Variants in DOCK3 observed in about 807,000 individuals in gnomAD.
The protein encoded by DOCK3 is dedicator of cytokinesis protein 3.
In DOCK3, 60 loss-of-function variants were observed where a neutral mutation model predicts 265.6. That is an observed-to-expected ratio of 0.23 (90% CI 0.18 to 0.28). The LOEUF (loss-of-function observed/expected upper bound fraction) is 0.28. Among genes scored for constraint, DOCK3 ranks in the 10% least tolerant of loss-of-function variants. DOCK3 has a pLI of 1.00. For missense variants in DOCK3, 1,981 were observed against 2,594.3 expected, an observed-to-expected ratio of 0.76 and a Z score of 5.14; for synonymous variants, 881 against 938.0, an observed-to-expected ratio of 0.94 and a Z score of 1.11.
intron 9 of DOCK3, among the ~76,000 whole-genome samples, chr3:51,119,668 T>A (rs1049484460): frequency 6.6e-6 from 1 of 152,092 alleles, no homozygotes; most frequent in Non-Finnish European, 1.5e-5. Flanking sequence ...TCATTTTCAT[T>A]ATTTTTTCTC....
At chr3:51,214,064 C>T in intron 13 of DOCK3, 58 bp from the exon 14 acceptor site, 3 of 1,606,628 alleles carry the variant, frequency 1.9e-6, no homozygotes, top group Non-Finnish European at 2.5e-6. Flanking sequence ...TGTGTCTTTT[C>T]AAGTACTATA....
chr3:51,007,148 A>G (rs1208247438), intron 5 of DOCK3, among the ~76,000 whole-genome samples: 1 of 152,194 alleles, frequency 6.6e-6, no homozygotes, highest in East Asian at 1.9e-4. Context: ...CAGTAATGGG[A>G]TGGCTGGGTC....
At chr3:51,334,644 GGA>G (rs1205569003) in intron 35 of DOCK3, among the ~76,000 whole-genome samples, 1 of 152,202 alleles carries the variant, frequency 6.6e-6, no homozygotes, top group African/African-American at 2.4e-5. Context: ...TTTTACAGCA[GGA>G]GACTTCTTTG....
intron 13 of DOCK3, among the ~76,000 whole-genome samples, chr3:51,211,722 G>C (rs2089512022): frequency 6.6e-6 from 1 of 152,066 alleles, no homozygotes; most frequent in South Asian, 2.1e-4. Flanking sequence ...AGTATTCCAT[G>C]GTATATATGT....
intron 9 of DOCK3, among the ~76,000 whole-genome samples, chr3:51,105,140 A>G (rs1321395968): frequency 6.6e-6 from 1 of 152,212 alleles, no homozygotes; most frequent in Admixed American, 6.5e-5. Context: ...TGATGTTGTT[A>G]TAGTATGAAT....
chr3:51,220,895 A>T (rs2090066910), intron 14 of DOCK3, among the ~76,000 whole-genome samples: 1 of 151,890 alleles, frequency 6.6e-6, no homozygotes, highest in Admixed American at 6.6e-5. Flanking sequence ...GCTAGCACTA[A>T]TGAAACATTT....
In DOCK3 at chr3:51,145,319, G is replaced by A. The variant is rs371566808; in HGVS notation, c.747-1230G>A. Among the ~76,000 whole-genome samples, 4 of 152,112 alleles carry A rather than the reference G, an allele frequency of 2.6e-5. No individual in the cohort carries two copies. The East Asian group carries it at 7.7e-4, about 29-fold the overall frequency. On this transcript the variant is annotated intron_variant, in intron 9 of 52. Coordinates refer to ENST00000266037, the MANE Select transcript of DOCK3 (RefSeq NM_004947.5). Reference sequence around the variant, plus strand: ...ATGTATACATGTGCCATGTTGGTGTGCTGCACCCATTAACTCGTTATTTAG... The same window carrying A: ...ATGTATACATGTGCCATGTTGGTGTACTGCACCCATTAACTCGTTATTTAG...
chr3:51,351,743 A>G (rs1039582067), intron 40 of DOCK3, among the ~76,000 whole-genome samples: 8 of 136,778 alleles, frequency 5.8e-5, no homozygotes, highest in African/African-American at 2.2e-4. Flanking sequence ...CGCAACCTCC[A>G]CCTCCCAGGT....
chr3:51,136,713 A>T (rs1024967954), intron 9 of DOCK3, among the ~76,000 whole-genome samples: 2 of 152,164 alleles, frequency 1.3e-5, no homozygotes, highest in African/African-American at 4.8e-5. Flanking sequence ...TTGAAAAAAT[A>T]AAAGGGAAAG....
intron 4 of DOCK3, among the ~76,000 whole-genome samples, chr3:50,891,224 AAC>A (rs1335709331): frequency 3.3e-5 from 5 of 152,200 alleles, no homozygotes; most frequent in South Asian, 2.1e-4. Context: ...GAGACTGCAA[AAC>A]ACAGCTTGTG....
chr3:51,357,636 T>A, intron 44 of DOCK3, 122 bp from the exon 45 acceptor site: 1 of 864,382 alleles, frequency 1.2e-6, no homozygotes, highest in Non-Finnish European at 1.9e-6. Context: ...GACTGGTGTA[T>A]GTACCTATGA....
chr3:50,851,075 G>A (rs555253560), intron 3 of DOCK3, among the ~76,000 whole-genome samples: 1 of 152,306 alleles, frequency 6.6e-6, no homozygotes, highest in South Asian at 2.1e-4. Flanking sequence ...GAATACAGTG[G>A]GTGGCCACCA....
At chr3:51,267,315 G>A (rs1240084767) in intron 23 of DOCK3, among the ~76,000 whole-genome samples, 1 of 151,978 alleles carries the variant, frequency 6.6e-6, no homozygotes, top group East Asian at 1.9e-4. Flanking sequence ...TCCCATTTCT[G>A]GCTATAAACC....
At chr3:50,679,161 A>C (rs543413955) in intron 1 of DOCK3, among the ~76,000 whole-genome samples, 7 of 152,102 alleles carry the variant, frequency 4.6e-5, no homozygotes, top group African/African-American at 1.7e-4. Flanking sequence ...TTTTTTAGTG[A>C]CATGGTCTTG....
intron 9 of DOCK3, among the ~76,000 whole-genome samples, chr3:51,099,787 AT>A (rs1222563434): frequency 2.6e-5 from 4 of 152,218 alleles, no homozygotes; most frequent in Non-Finnish European, 5.9e-5. Context: ...ATTGTATCAT[AT>A]TTGAAGGGAT....
intron 5 of DOCK3, among the ~76,000 whole-genome samples, chr3:51,017,608 T>A (rs1043039349): frequency 2.0e-5 from 3 of 151,900 alleles, no homozygotes; most frequent in Non-Finnish European, 4.4e-5. Flanking sequence ...AACCTCTTCA[T>A]TGACTCACTT....
chr3:50,890,163 T>G, intron 4 of DOCK3, 82 bp downstream of exon 4: 1 of 1,114,230 alleles, frequency 9.0e-7, no homozygotes, highest in Non-Finnish European at 1.2e-6. Flanking sequence ...GTTCATAGTA[T>G]AAAATATACA....
At chr3:50,863,692 T>C (rs960668991) in intron 3 of DOCK3, among the ~76,000 whole-genome samples, 1 of 152,226 alleles carries the variant, frequency 6.6e-6, no homozygotes. Flanking sequence ...CTGACATCCC[T>C]GGTCAGCCAT....
chr3:50,917,946 TC>T (rs932741926), intron 4 of DOCK3, among the ~76,000 whole-genome samples: 1 of 152,038 alleles, frequency 6.6e-6, no homozygotes, highest in African/African-American at 2.4e-5. Context: ...TGTGTGATGT[TC>T]CCCACCCTGT....
Sources: allele counts gnomAD v4.1 joint callset (sites outside exome capture counted in the v4.1 genomes callset), GRCh38; gene constraint gnomAD v4.1.1; transcripts MANE v1.5; gene names NCBI Gene and HGNC (gene_info 2026-07-23, HGNC 2026-07-21).